Variants in A2M observed in about 807,000 individuals in gnomAD.
A2M encodes the protein C3 and PZP-like alpha-2-macroglobulin domain-containing protein 5.
A neutral mutation model predicts 183.9 loss-of-function variants in A2M; 128 were observed. That is an observed-to-expected ratio of 0.70 (90% CI 0.60 to 0.81). The LOEUF (loss-of-function observed/expected upper bound fraction) is 0.81, where lower values mean the gene tolerates loss of function less well. Ranked by LOEUF, A2M falls within the 30% of genes least tolerant of loss-of-function variation. A2M has a pLI of 0.00. For synonymous variants in A2M, 592 were observed against 670.8 expected (o/e 0.88, Z 1.81); for missense variants, 1,495 against 1,787.6 (o/e 0.84, Z 2.95).
At position 9,109,420 on chromosome 12, in the gene A2M, T is replaced by C; in HGVS notation, c.674-15A>G. 6.2e-7 allele frequency: 1 copy of C among 1,600,964 alleles called. No individual in the cohort carries two copies. The highest frequency in any genetic ancestry group is 8.6e-7 in the Non-Finnish European group (1 of 1,169,216). On this transcript the variant is annotated splice_polypyrimidine_tract_variant and intron_variant, in intron 6 of 35. Transcript: ENST00000318602. ...CTTGGGAAGAACTGTTGATTGGTGA[T>C]AAAGAAGGTTGGTGATTGGTTTTCA...
chr12:9,116,128 T>G, upstream of A2M: 1 of 413,728 alleles, frequency 2.4e-6, no homozygotes, highest in Non-Finnish European at 4.6e-6. Flanking sequence ...AAGAGCTCAC[T>G]TTTACCGTAC....
chr12:9,115,657 A>G, intron 1 of A2M, 107 bp downstream of exon 1: 2 of 806,506 alleles, frequency 2.5e-6, no homozygotes, highest in Non-Finnish European at 4.1e-6. Context: ...TCTTAGAGAT[A>G]AGAAGATGAC....
chr12:9,109,189 A>C (rs1048860948), intron 7 of A2M, 132 bp downstream of exon 7: 1 of 637,792 alleles, frequency 1.6e-6, no homozygotes, highest in Admixed American at 2.7e-5. Context: ...AACATTCTAC[A>C]GATGAGGATG....
chr12:9,106,155 A>G (rs1422669483), intron 10 of A2M, 81 bp downstream of exon 10: 16 of 794,258 alleles, frequency 2.0e-5, no homozygotes, highest in Non-Finnish European at 3.1e-5. Flanking sequence ...TTAACCAGGC[A>G]TGGTTTTAGC....
chr12:9,107,946 A>C (rs1938430298), intron 7 of A2M, among the ~76,000 whole-genome samples: 2 of 151,948 alleles, frequency 1.3e-5, no homozygotes. Flanking sequence ...AAGAGAAACA[A>C]TACCAGCAAG....
intron 28 of A2M, among the ~76,000 whole-genome samples, chr12:9,075,702 T>C (rs1805658): frequency 0.38 from 57,493 of 151,630 alleles, 11,623 homozygotes; most frequent in African/African-American, 0.5. Context: ...ATGAAACACA[T>C]GTGAAGATTC....
upstream of A2M, chr12:9,116,122 G>A: frequency 4.7e-6 from 2 of 424,626 alleles, no homozygotes; most frequent in South Asian, 4.1e-5. Context: ...TCCCGTAAGA[G>A]CTCACTTTTA....
At chr12:9,098,089 G>T (rs1949439649) in intron 15 of A2M, among the ~76,000 whole-genome samples, 1 of 152,204 alleles carries the variant, frequency 6.6e-6, no homozygotes, top group African/African-American at 2.4e-5. Context: ...AGGACTTTGG[G>T]TACTGTATGG....
At chr12:9,068,317 T>C in intron 34 of A2M, 93 bp from the exon 35 acceptor site, 2 of 1,287,660 alleles carry the variant, frequency 1.6e-6, no homozygotes, top group Non-Finnish European at 1.1e-6. Context: ...AGGAAGGAGT[T>C]TGTTGTGGGA....
intron 7 of A2M, among the ~76,000 whole-genome samples, 167 bp downstream of exon 7, chr12:9,109,154 A>G (rs1255678843): frequency 1.3e-5 from 2 of 152,216 alleles, no homozygotes; most frequent in African/African-American, 2.4e-5. Context: ...GAAAGAAAAT[A>G]AAAATAGAAA....
chr12:9,088,165 C>T (rs551612672), intron 22 of A2M, among the ~76,000 whole-genome samples: 58 of 151,624 alleles, frequency 3.8e-4, no homozygotes, highest in Non-Finnish European at 7.1e-4. Context: ...CAAACATATA[C>T]ATCTACACAC....
chr12:9,084,083 C>T (rs1948986105), intron 22 of A2M, among the ~76,000 whole-genome samples: 1 of 152,116 alleles, frequency 6.6e-6, no homozygotes, highest in Non-Finnish European at 1.5e-5. Flanking sequence ...AAGAATTCTT[C>T]ATCCAGCAAA....
At chr12:9,078,197 A>T (rs941846057) in intron 25 of A2M, among the ~76,000 whole-genome samples, 2 of 151,856 alleles carry the variant, frequency 1.3e-5, no homozygotes, top group African/African-American at 4.8e-5. Context: ...CCGTCACCCC[A>T]CACCTCCCAA....
At chr12:9,103,140 A>C (rs938423535) in intron 11 of A2M, among the ~76,000 whole-genome samples, 14 of 152,334 alleles carry the variant, frequency 9.2e-5, no homozygotes, top group Middle Eastern at 3.4e-3. Flanking sequence ...TGGAGTATAT[A>C]TATTTAAAAC....
rs1592392938 is a variant in A2M at position 9,109,764 on chromosome 12, T to A, written c.673+103A>T. ...AATTAATTCTACTCCAAGCCCAATG[T>A]CACCCATGGGAAATGGAAAGACTCC... On this transcript the variant is annotated intron_variant, in intron 6 of 35. Coordinates refer to ENST00000318602, the MANE Select transcript of A2M (RefSeq NM_000014.6). The A allele has an allele frequency of 5.2e-6, 6 of 1,163,542 alleles. No individual in the cohort carries two copies. In the South Asian group the frequency reaches 8.7e-5, roughly 17 times the overall value. The allele number at this position is 1,163,542 out of a possible 1,614,324, so 72.1% of individuals were successfully genotyped here.
chr12:9,077,074 A>T lies in A2M; in HGVS notation c.3352-138T>A, dbSNP rs151147336. On this transcript the variant is annotated intron_variant, in intron 27 of 35. Coordinates refer to ENST00000318602, the MANE Select transcript of A2M (RefSeq NM_000014.6). ...TTCCTCATTCTTATCAATAGATATA[A>T]TATTATTTTTATCTGTTATTCTCAC... 898 of 755,880 alleles carry T rather than the reference A, an allele frequency of 1.2e-3. 6 individuals are homozygous for T. The African/African-American group carries it at 0.014, about 12-fold the overall frequency. 46.8% of individuals were successfully genotyped at this position (755,880 alleles called of 1,614,324 possible).
At chr12:9,068,017 CAG>C in intron 35 of A2M, 164 bp downstream of exon 35, 1 of 984,648 alleles carries the variant, frequency 1.0e-6, no homozygotes, top group Non-Finnish European at 1.5e-6. Context: ...TGAGGTTTGA[CAG>C]AGTCAGCGGC....
intron 22 of A2M, among the ~76,000 whole-genome samples, chr12:9,086,141 T>G (rs973290644): frequency 1.3e-5 from 2 of 152,200 alleles, no homozygotes; most frequent in African/African-American, 4.8e-5. Flanking sequence ...CAAGCTCATT[T>G]TATGAGGCAA....
chr12:9,081,340 G>A (rs1177490327), intron 22 of A2M, among the ~76,000 whole-genome samples: 1 of 152,030 alleles, frequency 6.6e-6, no homozygotes, highest in Non-Finnish European at 1.5e-5. Context: ...ACAGATGATG[G>A]CAAATATAAC....
Sources: gnomAD v4.1 joint callset for allele counts (sites outside exome capture counted in the v4.1 genomes callset) on GRCh38, gnomAD v4.1.1 for gene constraint, MANE v1.5 for transcripts, NCBI Gene and HGNC (gene_info 2026-07-23, HGNC 2026-07-21) for gene names.